Variants in PIP5K1B observed in about 807,000 individuals in gnomAD.
PIP5K1B encodes the protein phosphatidylinositol-4-phosphate 5-kinase type 1 beta, also known as phosphatidylinositol 4-phosphate 5-kinase type-1 beta.
Under a neutral mutation model 67.0 loss-of-function variants are expected in PIP5K1B, and 42 were observed. The observed-to-expected ratio is 0.63, with a 90% confidence interval of 0.49 to 0.81. PIP5K1B has a LOEUF of 0.81. Among genes scored for constraint, PIP5K1B ranks in the 30% least tolerant of loss-of-function variants. The pLI is 0.00. For synonymous variants in PIP5K1B, 214 were observed against 231.4 expected, an observed-to-expected ratio of 0.92 and a Z score of 0.68; for missense variants, 459 against 646.3, an observed-to-expected ratio of 0.71 and a Z score of 3.14.
intron 12 of PIP5K1B, among the ~76,000 whole-genome samples, chr9:68,927,903 A>G (rs1382054042): frequency 6.6e-6 from 1 of 152,110 alleles, no homozygotes; most frequent in Non-Finnish European, 1.5e-5. Context: ...TAGGTTTGTG[A>G]TTCATTCTGA....
intron 4 of PIP5K1B, among the ~76,000 whole-genome samples, chr9:68,834,190 C>A (rs1418751622): frequency 1.3e-5 from 2 of 152,344 alleles, no homozygotes; most frequent in East Asian, 3.9e-4. Context: ...TCACAGCCAT[C>A]CCCATTGGGT....
intron 2 of PIP5K1B, among the ~76,000 whole-genome samples, chr9:68,765,853 T>A (rs1414592270): frequency 6.6e-6 from 1 of 152,204 alleles, no homozygotes; most frequent in African/African-American, 2.4e-5. Flanking sequence ...TGATGTAGAC[T>A]TTCTCAAGGG....
intron 14 of PIP5K1B, among the ~76,000 whole-genome samples, chr9:68,985,260 T>G (rs918887638): frequency 6.6e-6 from 1 of 151,914 alleles, no homozygotes; most frequent in Non-Finnish European, 1.5e-5. Flanking sequence ...TCTTCTTTTT[T>G]TTTTTTTTTG....
intron 2 of PIP5K1B, among the ~76,000 whole-genome samples, chr9:68,754,506 T>G (rs1829826520): frequency 6.6e-6 from 1 of 152,172 alleles, no homozygotes; most frequent in Non-Finnish European, 1.5e-5. Context: ...TGTACACCTA[T>G]CTTTTGAATG....
intron 2 of PIP5K1B, among the ~76,000 whole-genome samples, chr9:68,748,613 CTTTTTTTTTTT>C (rs58954806): frequency 6.1e-5 from 6 of 98,276 alleles, no homozygotes; most frequent in South Asian, 7.0e-4. Context: ...GATTTCTTTT[CTTTTTTTTTTT>C]TTTTTTTTTT....
In PIP5K1B at chr9:68,876,537, A is replaced by G. The variant is rs1177206498; in HGVS notation, c.201-140A>G. The G allele has an allele frequency of 4.9e-6, 3 of 612,564 alleles. No individual in the cohort carries two copies. In the African/African-American group the frequency reaches 5.6e-5, roughly 11 times the overall value. 37.9% of individuals were successfully genotyped at this position (612,564 alleles called of 1,614,324 possible). A position where few individuals can be genotyped will look rare whatever the true frequency, so the allele number is the denominator to read the frequency against. On this transcript the variant is annotated intron_variant, in intron 5 of 15. Coordinates refer to ENST00000265382, the MANE Select transcript of PIP5K1B (RefSeq NM_003558.4). ...GTTATCATTGGCCTTTATGACATGA[A>G]CTTTGAGAAACCCGCTCTCAGGGGA...
At chr9:68,827,797 T>A (rs1401982796) in intron 4 of PIP5K1B, among the ~76,000 whole-genome samples, 3 of 152,202 alleles carry the variant, frequency 2.0e-5, no homozygotes, top group African/African-American at 7.2e-5. Flanking sequence ...TTTTGGGATT[T>A]TGTTTGTTTG....
intron 2 of PIP5K1B, among the ~76,000 whole-genome samples, chr9:68,761,563 T>C (rs1347494287): frequency 6.6e-6 from 1 of 152,126 alleles, no homozygotes; most frequent in East Asian, 1.9e-4. Context: ...AATTAAGATG[T>C]CTACAAGGCT....
chr9:68,928,196 T>C (rs1435152063), intron 12 of PIP5K1B, among the ~76,000 whole-genome samples: 1 of 152,230 alleles, frequency 6.6e-6, no homozygotes, highest in Non-Finnish European at 1.5e-5. Context: ...CTATCCTCAT[T>C]ACTTCTGGTT....
chr9:68,911,316 T>C (rs1337792509), intron 8 of PIP5K1B, among the ~76,000 whole-genome samples: 1 of 148,228 alleles, frequency 6.7e-6, no homozygotes, highest in Non-Finnish European at 1.5e-5. Flanking sequence ...GAGGTTGCAG[T>C]GAGCCGAGAA....
Position 69,008,585 on chromosome 9 carries a change from A to G in PIP5K1B, c.*136A>G. 2 of 811,682 alleles carry G rather than the reference A, an allele frequency of 2.5e-6. No homozygotes were observed. Among genetic ancestry groups the G allele is most frequent in the Non-Finnish European group, 4.3e-6 (2 of 462,974 alleles). The allele number at this position is 811,682 out of a possible 1,614,324, so 50.3% of individuals were successfully genotyped here. Reference sequence around the variant, plus strand: ...ACAGAGAAATCATCAACCTGACTTAAGAGTTTTCAAGATGTCAACTTCAGG... The same window carrying G: ...ACAGAGAAATCATCAACCTGACTTAGGAGTTTTCAAGATGTCAACTTCAGG... On this transcript the variant is annotated 3_prime_UTR_variant, in exon 16 of 16. Transcript: ENST00000265382.
chr9:68,975,101 CTG>C (rs1431261070), intron 14 of PIP5K1B, among the ~76,000 whole-genome samples: 1 of 152,242 alleles, frequency 6.6e-6, no homozygotes, highest in Admixed American at 6.5e-5. Context: ...GACAGTTTTG[CTG>C]TGTCACCCAG....
At chr9:68,925,621 T>G (rs1826650697) in intron 12 of PIP5K1B, among the ~76,000 whole-genome samples, 1 of 151,978 alleles carries the variant, frequency 6.6e-6, no homozygotes, top group South Asian at 2.1e-4. Context: ...TAAACCTTAT[T>G]TCACTCTAAG....
intron 13 of PIP5K1B, chr9:68,936,077 G>C (rs1827252453): frequency 6.6e-6 from 1 of 152,148 alleles, no homozygotes; most frequent in Non-Finnish European, 1.5e-5. Context: ...CAGAGATATT[G>C]ATATAGATTT....
At chr9:68,923,967 C>G (rs1219604541) in intron 12 of PIP5K1B, among the ~76,000 whole-genome samples, 2 of 151,932 alleles carry the variant, frequency 1.3e-5, no homozygotes, top group Admixed American at 1.3e-4. Flanking sequence ...CACTCTTAAA[C>G]TAGCAATGAG....
At chr9:68,732,918 G>T (rs991543980) in intron 1 of PIP5K1B, among the ~76,000 whole-genome samples, 3 of 49,108 alleles carry the variant, frequency 6.1e-5, no homozygotes, top group South Asian at 8.5e-4. Context: ...AGGTGGGTTG[G>T]GGGGGGGGCG....
intron 8 of PIP5K1B, among the ~76,000 whole-genome samples, chr9:68,906,022 G>GT (rs1172377886): frequency 6.6e-6 from 1 of 152,046 alleles, no homozygotes; most frequent in East Asian, 1.9e-4. Flanking sequence ...TCAATTTAGT[G>GT]TTTTTTTAAA....
intron 4 of PIP5K1B, among the ~76,000 whole-genome samples, chr9:68,861,513 G>C (rs1261881503): frequency 1.3e-5 from 2 of 152,212 alleles, no homozygotes; most frequent in Non-Finnish European, 2.9e-5. Context: ...TCCAGCCCAA[G>C]AAGTGTTAAA....
chr9:68,773,518 GA>G (rs1262812900), intron 2 of PIP5K1B, among the ~76,000 whole-genome samples: 1 of 152,116 alleles, frequency 6.6e-6, no homozygotes, highest in Non-Finnish European at 1.5e-5. Context: ...GTCCCCCATG[GA>G]AAAAACTAAA....
Sources: allele counts gnomAD v4.1 joint callset (sites outside exome capture counted in the v4.1 genomes callset), GRCh38; gene constraint gnomAD v4.1.1; transcripts MANE v1.5; gene names NCBI Gene and HGNC (gene_info 2026-07-23, HGNC 2026-07-21).